Variants in DHX57 observed in about 807,000 individuals in gnomAD.
DHX57 encodes putative ATP-dependent RNA helicase DHX57.
DHX57 carries 105 observed loss-of-function variants against 156.2 expected under a neutral mutation model. That is an observed-to-expected ratio of 0.67 (90% CI 0.57 to 0.79). The LOEUF (loss-of-function observed/expected upper bound fraction) is 0.79. Ranked by LOEUF, DHX57 falls within the 30% of genes least tolerant of loss-of-function variation. DHX57 has a pLI of 0.00. For synonymous variants in DHX57, 704 were observed against 595.6 expected (o/e 1.18, Z -2.65); for missense variants, 1,847 against 1,661.9 (o/e 1.11, Z -1.94).
At chr2:38,865,515 C>T (rs1216889397) in intron 2 of DHX57, among the ~76,000 whole-genome samples, 2 of 152,312 alleles carry the variant, frequency 1.3e-5, no homozygotes, top group East Asian at 3.9e-4. Flanking sequence ...ATTACTCAGT[C>T]TTGGGTATGT....
intron 9 of DHX57, 192 bp downstream of exon 9, chr2:38,853,862 C>T: frequency 2.2e-6 from 1 of 451,678 alleles, no homozygotes; most frequent in Non-Finnish European, 4.0e-6. Flanking sequence ...AAGTGATGAG[C>T]ATGTGCTGTC....
chr2:38,847,539 G>A (rs1035181901), intron 10 of DHX57, among the ~76,000 whole-genome samples: 7 of 152,168 alleles, frequency 4.6e-5, no homozygotes, highest in Non-Finnish European at 8.8e-5. Context: ...AAAGCTCAGG[G>A]TGATAAATTA....
intron 9 of DHX57, among the ~76,000 whole-genome samples, chr2:38,850,478 T>C (rs1446744486): frequency 6.6e-6 from 1 of 151,910 alleles, no homozygotes; most frequent in Non-Finnish European, 1.5e-5. Flanking sequence ...CCCAGGCTGG[T>C]CTCAAACTCC....
chr2:38,808,488 G>A (rs74907008), intron 21 of DHX57, among the ~76,000 whole-genome samples: 8,336 of 151,856 alleles, frequency 0.055, 316 homozygotes, highest in Non-Finnish European at 0.081. Context: ...AATTTTTGAT[G>A]GATATATAAG....
intron 14 of DHX57, among the ~76,000 whole-genome samples, chr2:38,827,503 AAAAT>A (rs1324548804): frequency 5.4e-5 from 1 of 18,538 alleles, no homozygotes; most frequent in African/African-American, 8.0e-5. Context: ...AAAAAAAAAA[AAAAT>A]ATATATATAT....
At position 38,861,496 on chromosome 2, in the gene DHX57, C is replaced by G; in HGVS notation, c.914G>C (p.Cys305Ser). Reference protein sequence around the residue: ...KNVQENSLEICKFYLKGNCKF... With the variant: ...KNVQENSLEISKFYLKGNCKF... ...ACAATTTCCTTTGAGGTAAAATTTA[C>G]AGATTTCAAGTGAATTCTCTTGTAC... The change falls in exon 5 of 24, where the codon TGT becomes TCT. Residue 305 changes from cysteine (C) to serine (S), a missense_variant. Physicochemically the swap from Cys to Ser is moderately radical, Grantham distance 112. Coordinates refer to ENST00000457308, the MANE Select transcript of DHX57 (RefSeq NM_198963.3). 1.2e-6 allele frequency: 2 copies of G among 1,614,072 alleles called. No homozygotes were observed. Among genetic ancestry groups the G allele is most frequent in the Non-Finnish European group, 1.7e-6 (2 of 1,180,016 alleles).
intron 1 of DHX57, among the ~76,000 whole-genome samples, chr2:38,873,580 T>A (rs1044742765): frequency 6.6e-6 from 1 of 152,218 alleles, no homozygotes; most frequent in African/African-American, 2.4e-5. Flanking sequence ...TAGCATATGG[T>A]AGGAATTCAG....
chr2:38,823,945 A>G (rs568317601), intron 16 of DHX57, among the ~76,000 whole-genome samples: 171 of 152,018 alleles, frequency 1.1e-3, no homozygotes, highest in African/African-American at 3.5e-3. Context: ...CCGGAGGTGG[A>G]GGTTGCAGTG....
At chr2:38,815,845 G>A in intron 19 of DHX57, 190 bp from the exon 20 acceptor site, 1 of 653,168 alleles carries the variant, frequency 1.5e-6, no homozygotes, top group Non-Finnish European at 2.6e-6. Context: ...TACGCAAACT[G>A]GCAGGCAAAC....
At chr2:38,865,942 C>A (rs1020145426) in intron 2 of DHX57, among the ~76,000 whole-genome samples, 2 of 152,136 alleles carry the variant, frequency 1.3e-5, no homozygotes, top group African/African-American at 2.4e-5. Flanking sequence ...CCAGTCAATG[C>A]TATTGAGTAT....
rs1382909008 is a variant in DHX57 at position 38,805,025 on chromosome 2, A to C, written c.3816+1534T>G. ...CCATCTAGTTTCTTCCACTGTCCTC[A>C]ACAGCCTACAACAGTGCCTGGCACA... On this transcript the variant is annotated intron_variant, in intron 22 of 23. Transcript: ENST00000457308. 2.6e-5 allele frequency among the ~76,000 whole-genome samples: 4 copies of C among 152,190 alleles called. No homozygotes were observed. The South Asian group carries it at 8.3e-4, about 32-fold the overall frequency.
intron 2 of DHX57, among the ~76,000 whole-genome samples, chr2:38,864,764 T>G (rs13029388): frequency 0.56 from 85,302 of 151,956 alleles, 25,681 homozygotes; most frequent in East Asian, 0.82. Flanking sequence ...AGCTCCCTTA[T>G]AGTAAAACTT....
At chr2:38,841,086 G>C (rs1030896449) in intron 12 of DHX57, among the ~76,000 whole-genome samples, 1 of 152,212 alleles carries the variant, frequency 6.6e-6, no homozygotes, top group Non-Finnish European at 1.5e-5. Context: ...GCCTCCCAAA[G>C]TGTTGGGATT....
intron 15 of DHX57, 143 bp downstream of exon 15, chr2:38,826,373 A>G (rs890771442): frequency 4.2e-6 from 4 of 942,494 alleles, no homozygotes; most frequent in African/African-American, 3.3e-5. Flanking sequence ...CTACACAATC[A>G]TTCACACATC....
chr2:38,799,580 A>G (rs1316385469), intron 23 of DHX57, among the ~76,000 whole-genome samples: 6 of 146,862 alleles, frequency 4.1e-5, no homozygotes, highest in South Asian at 2.2e-4. Flanking sequence ...GAGAAACCCC[A>G]TCTCTACTAA....
intron 11 of DHX57, 107 bp from the exon 12 acceptor site, chr2:38,843,317 C>T: frequency 9.0e-7 from 1 of 1,113,228 alleles, no homozygotes; most frequent in Non-Finnish European, 1.3e-6. Context: ...ACTGTCTGCC[C>T]AATTCACATG....
At chr2:38,872,010 A>G (rs1164165267) in intron 1 of DHX57, among the ~76,000 whole-genome samples, 1 of 152,104 alleles carries the variant, frequency 6.6e-6, no homozygotes, top group African/African-American at 2.4e-5. Context: ...GCCCGGCCTA[A>G]TAACTCATTC....
At chr2:38,838,695 G>C in intron 12 of DHX57, 1 of 433,556 alleles carries the variant, frequency 2.3e-6, no homozygotes, top group Non-Finnish European at 4.6e-6. Context: ...AGAGACCCCA[G>C]CTTTCACCAG....
chr2:38,805,765 A>G (rs1446164188), intron 22 of DHX57, among the ~76,000 whole-genome samples: 1 of 151,820 alleles, frequency 6.6e-6, no homozygotes, highest in African/African-American at 2.4e-5. Context: ...TATGTTTGAG[A>G]TGACTAAAAG....
Sources: allele counts gnomAD v4.1 joint callset (sites outside exome capture counted in the v4.1 genomes callset), GRCh38; gene constraint gnomAD v4.1.1; transcripts MANE v1.5; gene names NCBI Gene and HGNC (gene_info 2026-07-23, HGNC 2026-07-21).